USP48: variants seen among roughly 807,000 people sequenced by gnomAD.
USP48 encodes ubiquitin specific peptidase 48, also known as ubiquitin carboxyl-terminal hydrolase 48.
In USP48, 43 loss-of-function variants were observed where a neutral mutation model predicts 150.7. The ratio of observed to expected loss-of-function variants is 0.29; its 90% confidence interval spans 0.22 to 0.37. The LOEUF (loss-of-function observed/expected upper bound fraction) is 0.37, where lower values mean the gene tolerates loss of function less well. Among genes scored for constraint, USP48 ranks in the 10% least tolerant of loss-of-function variants. The pLI, the probability that USP48 is intolerant of heterozygous loss-of-function variation, is 1.00. For missense variants in USP48, 813 were observed against 1,249.6 expected, an observed-to-expected ratio of 0.65 and a Z score of 5.27; for synonymous variants, 396 against 425.9, an observed-to-expected ratio of 0.93 and a Z score of 0.86.
chr1:21,679,297 GC>G lies in USP48; in HGVS notation c.*119del. 1 of 1,241,324 alleles carries G rather than the reference GC, an allele frequency of 8.1e-7. No homozygotes were observed. Among genetic ancestry groups the G allele is most frequent in the Admixed American group, 1.8e-5 (1 of 56,886 alleles). 76.9% of individuals were successfully genotyped at this position (1,241,324 alleles called of 1,614,324 possible). ...GACAGTCACGTTTGAATGGATTTCT[GC>G]CTTTTGGAAGGGGCATGTAATGGTT... On this transcript the variant is annotated 3_prime_UTR_variant, in exon 27 of 27. Transcript: ENST00000308271.
intron 8 of USP48, among the ~76,000 whole-genome samples, chr1:21,741,120 A>C (rs2097780518): frequency 6.6e-6 from 1 of 152,228 alleles, no homozygotes; most frequent in Non-Finnish European, 1.5e-5. Flanking sequence ...GAGAATAATA[A>C]ATCAATTAAA....
chr1:21,679,468 A>G (rs989994129), intron 26 of USP48, 29 bp from the exon 27 acceptor site: 2 of 1,613,638 alleles, frequency 1.2e-6, no homozygotes, highest in Admixed American at 1.7e-5. Flanking sequence ...GTGGAGGGAT[A>G]GTTGTGAACT....
chr1:21,783,065 G>T lies in USP48; in HGVS notation c.-108C>A, dbSNP rs2097918638. 7.3e-7 allele frequency: 1 copy of T among 1,367,038 alleles called. No homozygotes were observed. Among genetic ancestry groups the T allele is most frequent in the Non-Finnish European group, 9.4e-7 (1 of 1,059,888 alleles). The allele number at this position is 1,367,038 out of a possible 1,614,324, so 84.7% of individuals were successfully genotyped here. A position where few individuals can be genotyped will look rare whatever the true frequency, so the allele number is the denominator to read the frequency against. The stretch of plus-strand genomic sequence containing the variant: ...CACCTGCCAGCAAGGAGGACCTGGC[G>T]CTCCTTCAGGCAGCTGGCCAGTCAA... On this transcript the variant is annotated 5_prime_UTR_variant, in exon 1 of 27. Coordinates refer to ENST00000308271, the MANE Select transcript of USP48 (RefSeq NM_032236.8).
At chr1:21,708,071 A>AT (rs2152523527) in intron 15 of USP48, among the ~76,000 whole-genome samples, 1 of 152,310 alleles carries the variant, frequency 6.6e-6, no homozygotes, top group South Asian at 2.1e-4. Flanking sequence ...CTGAGGCAAG[A>AT]GGACTCCTTG....
intron 23 of USP48, 112 bp downstream of exon 23, chr1:21,694,942 TGAAAACTTTAAG>T: frequency 1.8e-6 from 2 of 1,127,906 alleles, no homozygotes; most frequent in Non-Finnish European, 2.4e-6. Flanking sequence ...TTGGCTATTT[TGAAAACTTTAAG>T]TCTTCTGGAA....
intron 7 of USP48, among the ~76,000 whole-genome samples, chr1:21,747,807 A>G (rs1199259596): frequency 6.6e-6 from 1 of 152,186 alleles, no homozygotes; most frequent in Non-Finnish European, 1.5e-5. Flanking sequence ...TCCTGACCTC[A>G]GGTGATCCAC....
chr1:21,688,831 A>G (rs543863184), intron 24 of USP48, among the ~76,000 whole-genome samples: 1 of 127,694 alleles, frequency 7.8e-6, no homozygotes, highest in South Asian at 2.7e-4. Flanking sequence ...CAACACAGCG[A>G]GACTCCATCT....
intron 14 of USP48, among the ~76,000 whole-genome samples, chr1:21,717,997 C>T (rs2097709464): frequency 6.6e-6 from 1 of 152,158 alleles, no homozygotes; most frequent in Admixed American, 6.5e-5. Flanking sequence ...TTGACAAAAG[C>T]ATGCAAAAAT....
chr1:21,707,042 T>G, intron 15 of USP48, 174 bp from the exon 16 acceptor site: 2 of 788,948 alleles, frequency 2.5e-6, no homozygotes, highest in Admixed American at 3.2e-5. Context: ...ATTTCCGATT[T>G]CATTTTAATT....
chr1:21,688,241 C>T (rs949898453), intron 24 of USP48, among the ~76,000 whole-genome samples: 2 of 151,966 alleles, frequency 1.3e-5, no homozygotes, highest in Non-Finnish European at 1.5e-5. Flanking sequence ...CTTTTTGAGA[C>T]GGAGTCTCCC....
chr1:21,694,035 T>C (rs971744825), intron 23 of USP48, among the ~76,000 whole-genome samples: 3 of 152,222 alleles, frequency 2.0e-5, no homozygotes, highest in African/African-American at 7.2e-5. Context: ...GAATTTTTTA[T>C]GGACATCTTG....
intron 15 of USP48, chr1:21,714,999 T>C (rs2097700440): frequency 6.2e-6 from 1 of 160,924 alleles, no homozygotes; most frequent in Non-Finnish European, 1.3e-5. Flanking sequence ...GGAGGAACAC[T>C]TGAGCCCAGG....
intron 23 of USP48, among the ~76,000 whole-genome samples, chr1:21,692,968 T>C (rs189939350): frequency 6.6e-6 from 1 of 152,268 alleles, no homozygotes; most frequent in Admixed American, 6.5e-5. Context: ...AACAAGTAGA[T>C]GTGGCATTCC....
chr1:21,741,766 G>A (rs1384673), intron 8 of USP48, among the ~76,000 whole-genome samples: 25,721 of 152,088 alleles, frequency 0.17, 2,247 homozygotes, highest in Non-Finnish European at 0.2. Context: ...GCTTAAGGCC[G>A]TAAGTCCGAA....
chr1:21,747,253 C>A, intron 7 of USP48, 104 bp from the exon 8 acceptor site: 1 of 640,286 alleles, frequency 1.6e-6, no homozygotes, highest in Non-Finnish European at 2.5e-6. Flanking sequence ...CTAGCTTTCA[C>A]TTCACAATCT....
At chr1:21,686,339 T>G (rs1462689776) in intron 25 of USP48, 2 of 152,194 alleles carry the variant, frequency 1.3e-5, no homozygotes, top group African/African-American at 4.8e-5. Context: ...ATGGCCTTTA[T>G]TATATTGAGG....
intron 1 of USP48, among the ~76,000 whole-genome samples, chr1:21,765,694 T>C (rs547292728): frequency 1.7e-4 from 25 of 151,040 alleles, no homozygotes; most frequent in African/African-American, 6.1e-4. Context: ...GAGACATAAC[T>C]AACAATTTTT....
chr1:21,749,344 C>A (rs1416639111), intron 6 of USP48, among the ~76,000 whole-genome samples: 9 of 152,178 alleles, frequency 5.9e-5, no homozygotes, highest in Non-Finnish European at 8.8e-5. Context: ...ATGTCCCAGG[C>A]CTCAGTCCTT....
intron 8 of USP48, among the ~76,000 whole-genome samples, chr1:21,738,468 T>C (rs1002798586): frequency 6.6e-6 from 1 of 151,790 alleles, no homozygotes; most frequent in Non-Finnish European, 1.5e-5. Context: ...GCGATTCTCT[T>C]GCCTCAACCT....
Sources: gnomAD v4.1 joint callset for allele counts (sites outside exome capture counted in the v4.1 genomes callset) on GRCh38, gnomAD v4.1.1 for gene constraint, MANE v1.5 for transcripts, NCBI Gene and HGNC (gene_info 2026-07-23, HGNC 2026-07-21) for gene names.